Variants in NOX4 observed in about 807,000 individuals in gnomAD.
NOX4 encodes the protein kidney oxidase-1.
NOX4 carries 69 observed loss-of-function variants against 87.6 expected under a neutral mutation model. That is an observed-to-expected ratio of 0.79 (90% confidence interval 0.65 to 0.96). The LOEUF (loss-of-function observed/expected upper bound fraction) is 0.96. Among genes scored for constraint, NOX4 ranks in the 40% least tolerant of loss-of-function variants. The pLI, the probability that NOX4 is intolerant of heterozygous loss-of-function variation, is 0.00. For synonymous variants in NOX4, 275 were observed against 238.2 expected, an observed-to-expected ratio of 1.15 and a Z score of -1.42; for missense variants, 680 against 681.5, an observed-to-expected ratio of 1.00 and a Z score of 0.02.
At chr11:89,537,085 C>G in the NOX4 span, among the ~76,000 whole-genome samples, 1 of 152,244 alleles carries the variant, frequency 6.6e-6, no homozygotes, top group African/African-American at 2.4e-5. Context: ...ATCCAAAAAG[C>G]AAGGCATATC....
chr11:89,486,482 G>C (rs1321645395), intron 2 of NOX4, among the ~76,000 whole-genome samples: 2 of 147,070 alleles, frequency 1.4e-5, no homozygotes, highest in Non-Finnish European at 3.0e-5. Context: ...GTGTGTGTGT[G>C]TGTGTTTGTG....
intron 12 of NOX4, among the ~76,000 whole-genome samples, chr11:89,360,445 A>C (rs1370566757): frequency 3.9e-5 from 6 of 152,078 alleles, no homozygotes; most frequent in Admixed American, 6.6e-5. Flanking sequence ...AGAGATATGT[A>C]CTCCCTGAAA....
At chr11:89,381,663 A>G (rs1940292759) in intron 11 of NOX4, among the ~76,000 whole-genome samples, 1 of 150,820 alleles carries the variant, frequency 6.6e-6, no homozygotes, top group Admixed American at 6.6e-5. Context: ...TCACGCTGAC[A>G]TGAGTGAAAT....
chr11:89,356,346 A>G (rs79601984), intron 12 of NOX4, among the ~76,000 whole-genome samples: 10,327 of 151,774 alleles, frequency 0.068, 1,061 homozygotes, highest in African/African-American at 0.22. Context: ...ATGAGCTAAG[A>G]ATTGATTTAG....
At chr11:89,500,474 G>C (rs972988887), upstream of NOX4, among the ~76,000 whole-genome samples, 1 of 152,100 alleles carries the variant, frequency 6.6e-6, no homozygotes, top group African/African-American at 2.4e-5. Flanking sequence ...CTTTCATTTA[G>C]CAACAAAACC....
At chr11:89,549,903 G>A in the NOX4 span, among the ~76,000 whole-genome samples, 1 of 152,114 alleles carries the variant, frequency 6.6e-6, no homozygotes, top group Non-Finnish European at 1.5e-5. Flanking sequence ...TATCATTGAT[G>A]GGCATTTGGA....
chr11:89,472,536 C>T (rs915950164), intron 2 of NOX4, among the ~76,000 whole-genome samples: 1 of 152,074 alleles, frequency 6.6e-6, no homozygotes, highest in African/African-American at 2.4e-5. Context: ...TTTATGTCAT[C>T]ATTTTTTTAT....
At chr11:89,513,133 C>T in the NOX4 span, among the ~76,000 whole-genome samples, 1 of 151,900 alleles carries the variant, frequency 6.6e-6, no homozygotes, top group Non-Finnish European at 1.5e-5. Context: ...CCAACCTGAC[C>T]AACATGGTGA....
intron 17 of NOX4, among the ~76,000 whole-genome samples, chr11:89,330,181 C>T (rs1469337844): frequency 6.6e-6 from 1 of 151,722 alleles, no homozygotes; most frequent in Non-Finnish European, 1.5e-5. Context: ...GATCCCATTC[C>T]TACAAAAAAT....
intron 11 of NOX4, among the ~76,000 whole-genome samples, chr11:89,392,348 T>C (rs1435410021): frequency 2.0e-5 from 3 of 152,070 alleles, no homozygotes; most frequent in Non-Finnish European, 4.4e-5. Flanking sequence ...CGGGGTGAGA[T>C]GTCCTTTGCT....
chr11:89,581,890 A>G, the NOX4 span, among the ~76,000 whole-genome samples: 1 of 152,108 alleles, frequency 6.6e-6, no homozygotes, highest in Admixed American at 6.6e-5. Context: ...CATAAGATCT[A>G]TCCATGAAAG....
At chr11:89,402,255 C>A in intron 9 of NOX4, 71 bp downstream of exon 9, 9 of 1,146,444 alleles carry the variant, frequency 7.9e-6, no homozygotes, top group Non-Finnish European at 1.2e-5. Context: ...TTGAAAAACA[C>A]ATTTATATGT....
the NOX4 span, among the ~76,000 whole-genome samples, chr11:89,577,877 A>T: frequency 1.2e-4 from 18 of 152,234 alleles, no homozygotes; most frequent in African/African-American, 4.1e-4. Context: ...ATTTTACAAT[A>T]CTCTGAGAAT....
At chr11:89,416,991 G>T (rs146118832) in intron 8 of NOX4, among the ~76,000 whole-genome samples, 1 of 152,260 alleles carries the variant, frequency 6.6e-6, no homozygotes, top group Non-Finnish European at 1.5e-5. Flanking sequence ...CCAAACATTT[G>T]AGGAGGACCT....
At chr11:89,334,335 T>C (rs12289185) in intron 17 of NOX4, among the ~76,000 whole-genome samples, 11,335 of 151,762 alleles carry the variant, frequency 0.075, 733 homozygotes, top group African/African-American at 0.17. Context: ...CTCTGAATAT[T>C]ACAAAAAAGT....
chr11:89,502,418 C>T (rs1947032538), upstream of NOX4, among the ~76,000 whole-genome samples: 1 of 151,932 alleles, frequency 6.6e-6, no homozygotes. Context: ...TCTGTTTCCC[C>T]ATTCATGAGA....
At chr11:89,329,103 G>A (rs1408837377) in intron 17 of NOX4, among the ~76,000 whole-genome samples, 1 of 151,866 alleles carries the variant, frequency 6.6e-6, no homozygotes, top group African/African-American at 2.4e-5. Context: ...GAATGATAGA[G>A]ATGACAGACG....
At chr11:89,368,206 C>G (rs1017255899) in intron 12 of NOX4, among the ~76,000 whole-genome samples, 2 of 151,954 alleles carry the variant, frequency 1.3e-5, no homozygotes, top group Admixed American at 6.6e-5. Flanking sequence ...CTCCTTTCAG[C>G]TGCTGACTTA....
intron 11 of NOX4, among the ~76,000 whole-genome samples, chr11:89,389,807 G>C (rs1940999428): frequency 6.6e-6 from 1 of 152,094 alleles, no homozygotes; most frequent in Non-Finnish European, 1.5e-5. Context: ...AGACAGGTCT[G>C]TGTTTGTATC....
Sources: allele counts gnomAD v4.1 joint callset (sites outside exome capture counted in the v4.1 genomes callset), GRCh38; gene constraint gnomAD v4.1.1; transcripts MANE v1.5; gene names NCBI Gene and HGNC (gene_info 2026-07-23, HGNC 2026-07-21).